The following ITPK1 variants were observed in gnomAD, a reference collection of about 807,000 sequenced individuals.
ITPK1 encodes the protein inositol 1,3,4-trisphosphate 5/6-kinase.
Under a neutral mutation model 45.3 loss-of-function variants are expected in ITPK1, and 21 were observed. That is an observed-to-expected ratio of 0.46 (90% CI 0.33 to 0.67). The LOEUF (loss-of-function observed/expected upper bound fraction) is 0.67. Among genes scored for constraint, ITPK1 ranks in the 30% least tolerant of loss-of-function variants. ITPK1 has a pLI of 0.02. For synonymous variants in ITPK1, 258 were observed against 253.6 expected, an observed-to-expected ratio of 1.02 and a Z score of -0.16; for missense variants, 474 against 573.5, an observed-to-expected ratio of 0.83 and a Z score of 1.77.
intron 5 of ITPK1, among the ~76,000 whole-genome samples, chr14:92,977,664 T>C (rs930246146): frequency 4.6e-5 from 7 of 151,902 alleles, no homozygotes; most frequent in African/African-American, 1.7e-4. Context: ...TAGCACTTCA[T>C]CCTTCTTTCT....
At chr14:93,087,877 G>C (rs1278296364) in intron 2 of ITPK1, among the ~76,000 whole-genome samples, 11 of 152,260 alleles carry the variant, frequency 7.2e-5, no homozygotes, top group Admixed American at 3.3e-4. Context: ...ATGGCCGCAG[G>C]GGTCCCTGAT....
At chr14:93,039,215 T>C (rs781238808) in intron 3 of ITPK1, among the ~76,000 whole-genome samples, 9 of 152,202 alleles carry the variant, frequency 5.9e-5, no homozygotes, top group Non-Finnish European at 1.3e-4. Flanking sequence ...GGCCCCAGCA[T>C]GCTTTGGGCT....
At chr14:93,092,581 G>A (rs192897209) in intron 2 of ITPK1, among the ~76,000 whole-genome samples, 10 of 152,326 alleles carry the variant, frequency 6.6e-5, no homozygotes, top group African/African-American at 9.6e-5. Context: ...GGCCCTCAAC[G>A]GAGCAATTTT....
intron 2 of ITPK1, among the ~76,000 whole-genome samples, chr14:93,108,231 G>A (rs576990550): frequency 9.2e-5 from 14 of 152,358 alleles, no homozygotes; most frequent in Admixed American, 6.5e-4. Context: ...AGAAGGAGGT[G>A]CACAGCTCTT....
intron 2 of ITPK1, among the ~76,000 whole-genome samples, chr14:93,089,519 G>A (rs151313892): frequency 1.5e-3 from 221 of 152,310 alleles, no homozygotes; most frequent in African/African-American, 5.0e-3. Flanking sequence ...GATGCCCACA[G>A]GCAGGGAAGA....
chr14:93,078,537 C>T (rs1357175057), intron 2 of ITPK1, among the ~76,000 whole-genome samples: 1 of 152,158 alleles, frequency 6.6e-6, no homozygotes, highest in Non-Finnish European at 1.5e-5. Context: ...ATTCAGGGAC[C>T]CTCAGTGTCT....
chr14:92,967,360 G>A (rs560168267), intron 5 of ITPK1, among the ~76,000 whole-genome samples: 18 of 152,288 alleles, frequency 1.2e-4, no homozygotes, highest in Admixed American at 9.2e-4. Flanking sequence ...AAACCACAAT[G>A]AGACACCACT....
chr14:93,047,316 A>G (rs1889819434), intron 3 of ITPK1, among the ~76,000 whole-genome samples: 1 of 152,254 alleles, frequency 6.6e-6, no homozygotes, highest in African/African-American at 2.4e-5. Flanking sequence ...GCCCAAGGAC[A>G]GGTGTCATGG....
At chr14:92,957,335 T>G (rs901789871) in intron 8 of ITPK1, among the ~76,000 whole-genome samples, 2 of 152,218 alleles carry the variant, frequency 1.3e-5, no homozygotes, top group African/African-American at 2.4e-5. Context: ...AAGCTACTTA[T>G]CCCAAGACAC....
chr14:93,115,136 C>T lies in ITPK1; in HGVS notation c.28G>A (p.Val10Ile). 6.2e-7 allele frequency: 1 copy of T among 1,601,620 alleles called. No homozygotes were observed. Residue 10 changes from valine (V) to isoleucine (I), a missense_variant, in exon 2 of 11, where the codon GTT (valine) becomes ATT (isoleucine). Physicochemically the swap from Val to Ile is conservative, Grantham distance 29 (BLOSUM62 3). This residue lies in a region of ITPK1 where 367 missense variants were observed against 480.6 expected (regional missense o/e 0.76). Coordinates refer to ENST00000267615, the MANE Select transcript of ITPK1 (RefSeq NM_014216.6). Reference protein sequence around the residue: MQTFLKGKRVGYWLSEKKIK... With the variant: MQTFLKGKRIGYWLSEKKIK... ...TTCTTCTCGCTCAGCCAGTAGCCAA[C>T]TCTCTTCCCTTTCAGAAAGGTCTGC... is the stretch of plus-strand genomic sequence containing the variant.
intron 9 of ITPK1, among the ~76,000 whole-genome samples, chr14:92,951,059 G>A (rs917968767): frequency 6.6e-5 from 10 of 152,248 alleles, no homozygotes; most frequent in African/African-American, 1.9e-4. Context: ...ACTGCCACTG[G>A]AGTGGAGGCT....
intron 4 of ITPK1, 121 bp from the exon 5 acceptor site, chr14:92,994,118 G>A (rs1318771581): frequency 3.0e-6 from 2 of 677,314 alleles, no homozygotes; most frequent in Non-Finnish European, 2.7e-6. Flanking sequence ...CTTTGGTGGA[G>A]GGTGGTGCAT....
intron 2 of ITPK1, among the ~76,000 whole-genome samples, chr14:93,083,975 A>G (rs1299948953): frequency 2.0e-5 from 3 of 152,088 alleles, no homozygotes; most frequent in Admixed American, 6.5e-5. Context: ...AAAGCCGGCA[A>G]TTTCCCTCCT....
intron 8 of ITPK1, among the ~76,000 whole-genome samples, chr14:92,956,949 T>A (rs1884767503): frequency 6.6e-6 from 1 of 152,176 alleles, no homozygotes; most frequent in Non-Finnish European, 1.5e-5. Context: ...GCCTTGAGTC[T>A]GGGAGCCACA....
At chr14:93,007,606 C>T (rs1467043508) in intron 4 of ITPK1, among the ~76,000 whole-genome samples, 1 of 152,188 alleles carries the variant, frequency 6.6e-6, no homozygotes, top group African/African-American at 2.4e-5. Flanking sequence ...GACCCCTGGG[C>T]TCCTCACCTC....
At chr14:92,997,348 A>G (rs1004467130) in intron 4 of ITPK1, among the ~76,000 whole-genome samples, 2 of 152,242 alleles carry the variant, frequency 1.3e-5, no homozygotes, top group Non-Finnish European at 2.9e-5. Context: ...AGTTAAGCCA[A>G]ACTCATGAGG....
intron 2 of ITPK1, among the ~76,000 whole-genome samples, chr14:93,105,701 G>T (rs1892493417): frequency 7.2e-6 from 1 of 138,876 alleles, no homozygotes; most frequent in South Asian, 2.3e-4. Flanking sequence ...ATTTTTGTGG[G>T]GTTTTTTTTT....
chr14:93,061,717 T>C (rs1890531362), intron 3 of ITPK1, among the ~76,000 whole-genome samples: 1 of 152,182 alleles, frequency 6.6e-6, no homozygotes, highest in African/African-American at 2.4e-5. Flanking sequence ...ACAACTTACT[T>C]ATGTAACCCA....
intron 5 of ITPK1, among the ~76,000 whole-genome samples, chr14:92,987,720 G>T (rs563120343): frequency 6.6e-6 from 1 of 152,170 alleles, no homozygotes; most frequent in Non-Finnish European, 1.5e-5. Flanking sequence ...TCTGTAAAGG[G>T]GGAACGCTAC....
Sources: allele counts gnomAD v4.1 joint callset (sites outside exome capture counted in the v4.1 genomes callset), GRCh38; gene constraint gnomAD v4.1.1; regional missense constraint gnomAD v4.1.1; transcripts MANE v1.5; gene names NCBI Gene and HGNC (gene_info 2026-07-23, HGNC 2026-07-21).